IPP: variants seen among roughly 807,000 people sequenced by gnomAD.
IPP encodes the protein intracisternal A particle-promoted polypeptide.
IPP carries 41 observed loss-of-function variants against 64.1 expected under a neutral mutation model. The ratio of observed to expected loss-of-function variants is 0.64; its 90% CI spans 0.50 to 0.83. IPP has a LOEUF of 0.83. Among genes scored for constraint, IPP ranks in the 40% least tolerant of loss-of-function variants. The pLI is 0.00. For synonymous variants in IPP, 214 were observed against 235.2 expected, an observed-to-expected ratio of 0.91 and a Z score of 0.83; for missense variants, 649 against 703.0, an observed-to-expected ratio of 0.92 and a Z score of 0.87.
At chr1:45,733,202 A>C (rs982699078) in intron 3 of IPP, among the ~76,000 whole-genome samples, 3 of 151,356 alleles carry the variant, frequency 2.0e-5, no homozygotes, top group African/African-American at 7.3e-5. Flanking sequence ...CGAGGTGGGC[A>C]GATCACAAGG....
intron 3 of IPP, among the ~76,000 whole-genome samples, chr1:45,730,482 T>C (rs777736663): frequency 1.3e-5 from 2 of 151,552 alleles, no homozygotes; most frequent in Non-Finnish European, 2.9e-5. Context: ...AAAAAAGATA[T>C]AAAATTATGT....
At chr1:45,724,072 A>AACCTCCCTGCC (rs1645769604) in intron 5 of IPP, among the ~76,000 whole-genome samples, 3 of 147,756 alleles carry the variant, frequency 2.0e-5, no homozygotes, top group Non-Finnish European at 4.5e-5. Context: ...GGCTCACTGC[A>AACCTCCCTGCC]ACCTCCCTGC....
intron 5 of IPP, among the ~76,000 whole-genome samples, chr1:45,725,980 A>C (rs1255824373): frequency 4.2e-5 from 6 of 142,620 alleles, no homozygotes; most frequent in Non-Finnish European, 7.7e-5. Context: ...CTGCCTAGGA[A>C]AACCAGAGAC....
chr1:45,738,853 A>ACAAAAAAAACAAC (rs1231472047), intron 3 of IPP, among the ~76,000 whole-genome samples: 5 of 148,886 alleles, frequency 3.4e-5, no homozygotes, highest in South Asian at 2.1e-4. Context: ...AAAAAAAAAA[A>ACAAAAAAAACAAC]AAAAAAAAAA....
chr1:45,720,063 T>C (rs1312163424), intron 5 of IPP, among the ~76,000 whole-genome samples: 1 of 151,276 alleles, frequency 6.6e-6, no homozygotes, highest in East Asian at 2.0e-4. Context: ...AATTTTCATG[T>C]TTTTGATATT....
intron 2 of IPP, among the ~76,000 whole-genome samples, chr1:45,745,120 A>C (rs1241659522): frequency 6.6e-6 from 1 of 152,110 alleles, no homozygotes; most frequent in African/African-American, 2.4e-5. Context: ...CATAGTCTTG[A>C]GCTCCTGGCC....
At chr1:45,707,760 T>C (rs1645530759) in intron 8 of IPP, among the ~76,000 whole-genome samples, 1 of 152,098 alleles carries the variant, frequency 6.6e-6, no homozygotes, top group Non-Finnish European at 1.5e-5. Flanking sequence ...ATATATATAA[T>C]TGGAATCCCA....
At chr1:45,737,043 A>C (rs1165571240) in intron 3 of IPP, among the ~76,000 whole-genome samples, 1 of 2,226 alleles carries the variant, frequency 4.5e-4, no homozygotes, top group East Asian at 0.012. Flanking sequence ...ACTCCATCTC[A>C]AAAAAAAAAA....
Position 45,699,828 on chromosome 1 carries a change from C to G in IPP, c.*138G>C. On this transcript the variant is annotated 3_prime_UTR_variant, in exon 9 of 9. Coordinates refer to ENST00000396478, the MANE Select transcript of IPP (RefSeq NM_005897.3). ...TAGGCATGAGGCCACTGCGCCCAGC[C>G]TCGTTAGTCATTTATCTACCAAATA... 3.4e-6 allele frequency: 5 copies of G among 1,459,300 alleles called. No homozygotes were observed. The highest frequency in any genetic ancestry group is 4.5e-6 in the Non-Finnish European group (5 of 1,110,170). 90.4% of individuals were successfully genotyped at this position (1,459,300 alleles called of 1,614,324 possible). A position where few individuals can be genotyped will look rare whatever the true frequency, so the allele number is the denominator to read the frequency against.
In IPP at chr1:45,746,175, C is replaced by T. The variant is rs996442292; in HGVS notation, c.237G>A (p.Pro79=). Residue 79 remains proline (P), a synonymous_variant, in exon 2 of 9, where the codon CCG becomes CCA. Coordinates refer to ENST00000396478, the MANE Select transcript of IPP (RefSeq NM_005897.3). The part of the protein sequence containing the change: ...GMKESSKDVV[P]ILGIEAGIFQ... The stretch of plus-strand genomic sequence containing the variant: ...AGATTCCTGCTTCAATTCCTAGAAT[C>T]GGTACAACATCTTTTGAGGACTCTT... 1.7e-5 allele frequency: 27 copies of T among 1,613,932 alleles called. No homozygotes were observed. Among genetic ancestry groups the T allele is most frequent in the Non-Finnish European group, 2.2e-5 (26 of 1,179,938 alleles).
rs576887123 is a variant in IPP, at chr1:45,698,764, G to A, written c.*1202C>T. The A allele has an allele frequency of 1.4e-6, 1 of 693,702 alleles. No homozygotes were observed. The highest frequency in any genetic ancestry group is 6.5e-5 in the South Asian group (1 of 15,290). 43.0% of individuals were successfully genotyped at this position (693,702 alleles called of 1,614,324 possible). On this transcript the variant is annotated 3_prime_UTR_variant, in exon 9 of 9. Transcript: ENST00000396478. ...GACAGGTTCTCATGCTGTCACCCAG[G>A]CCGGTGTGCAGTGGCACAATCTTGG... is the stretch of plus-strand genomic sequence containing the variant.
chr1:45,742,433 A>C (rs1389451194), intron 2 of IPP, among the ~76,000 whole-genome samples: 1 of 152,238 alleles, frequency 6.6e-6, no homozygotes, highest in Non-Finnish European at 1.5e-5. Flanking sequence ...TGCTTTTAAC[A>C]TAAGGTTATA....
In IPP at chr1:45,725,709, T is replaced by C. The variant is rs1255168536; in HGVS notation, c.1048+1922A>G. ...GTTGCCGGGTCTGTGTGGATAGAAG[T>C]AGACATGGGAGACTTTTCATTTTGT... is the stretch of plus-strand genomic sequence containing the variant. On this transcript the variant is annotated intron_variant, in intron 5 of 8. Coordinates refer to ENST00000396478, the MANE Select transcript of IPP (RefSeq NM_005897.3). Among the ~76,000 whole-genome samples the C allele has an allele frequency of 3.6e-5, 5 of 140,272 alleles. No individual in the cohort carries two copies. The South Asian group carries it at 1.0e-3, about 28-fold the overall frequency. The allele number at this position is 140,272 out of a possible 152,430, so 92.0% of individuals were successfully genotyped here.
intron 3 of IPP, among the ~76,000 whole-genome samples, chr1:45,738,898 T>A (rs1402898208): frequency 1.3e-5 from 2 of 150,312 alleles, no homozygotes; most frequent in Non-Finnish European, 3.0e-5. Flanking sequence ...CAAGGCTCTA[T>A]TGACTATGTG....
At chr1:45,747,975 G>A (rs1469111218) in intron 1 of IPP, among the ~76,000 whole-genome samples, 5 of 151,122 alleles carry the variant, frequency 3.3e-5, no homozygotes, top group East Asian at 3.9e-4. Context: ...GACTTATAGT[G>A]TGGGCTGATG....
intron 7 of IPP, 44 bp from the exon 8 acceptor site, chr1:45,714,510 T>A (rs942169385): frequency 9.2e-7 from 1 of 1,090,088 alleles, no homozygotes; most frequent in Admixed American, 1.7e-5. Flanking sequence ...GATAGTGAGA[T>A]ACAAATAATG....
rs1392496570 is a variant in IPP, at chr1:45,714,321, G to C, written c.1455C>G (p.Asp485Glu). ...TCCATCCTCCAACAGAATAGATGCA[G>C]TCATTGAGTGCAGCCACACCAAGAT... is the stretch of plus-strand genomic sequence containing the variant. ...RAYLGVAALN[D>E]CIYSVGGWNE... The change falls in exon 8 of 9, where the codon GAC becomes GAG. Residue 485 changes from aspartate (D) to glutamate (E), a missense_variant. Asp to Glu is a conservative substitution (Grantham distance 45). Transcript: ENST00000396478. 3.1e-6 allele frequency: 5 copies of C among 1,613,842 alleles called. No individual in the cohort carries two copies. The highest frequency in any genetic ancestry group is 3.4e-6 in the Non-Finnish European group (4 of 1,179,826).
chr1:45,715,657 A>T (rs899078505), intron 7 of IPP, among the ~76,000 whole-genome samples: 2 of 152,016 alleles, frequency 1.3e-5, no homozygotes, highest in African/African-American at 4.8e-5. Flanking sequence ...AAAAAAAGAA[A>T]TGTGGGCTAA....
chr1:45,735,518 G>A (rs867273062), intron 3 of IPP, among the ~76,000 whole-genome samples: 6 of 129,262 alleles, frequency 4.6e-5, no homozygotes, highest in African/African-American at 1.8e-4. Flanking sequence ...TCTAACCCAG[G>A]CTGGAGTGAA....
Sources: allele counts gnomAD v4.1 joint callset (sites outside exome capture counted in the v4.1 genomes callset), GRCh38; gene constraint gnomAD v4.1.1; transcripts MANE v1.5; gene names NCBI Gene and HGNC (gene_info 2026-07-23, HGNC 2026-07-21).